Variants in ZNF518A observed in about 807,000 individuals in gnomAD.
ZNF518A encodes zinc finger protein 518A.
In ZNF518A, 47 loss-of-function variants were observed where a neutral mutation model predicts 102.7. The ratio of observed to expected loss-of-function variants is 0.46; its 90% CI spans 0.36 to 0.58. The LOEUF is 0.58. Ranked by LOEUF, ZNF518A falls within the 20% of genes least tolerant of loss-of-function variation. The pLI, the probability that ZNF518A is intolerant of heterozygous loss-of-function variation, is 0.00. For missense variants in ZNF518A, 1,793 were observed against 1,699.8 expected (o/e 1.05, Z -0.96); for synonymous variants, 652 against 594.6 (o/e 1.10, Z -1.40).
chr10:96,204,216 GT>G, downstream of ZNF518A: 1 of 1,047,810 alleles, frequency 9.5e-7, no homozygotes, highest in Non-Finnish European at 1.5e-6. Context: ...CCAATAAAAT[GT>G]ATCTAAAGAT....
chr10:96,180,033 C>T (rs1238663445), intron 1 of ZNF518A, among the ~76,000 whole-genome samples: 1 of 151,886 alleles, frequency 6.6e-6, no homozygotes, highest in Non-Finnish European at 1.5e-5. Flanking sequence ...CAACTGCCAT[C>T]ACGCCTGGCT....
intron 3 of ZNF518A, among the ~76,000 whole-genome samples, chr10:96,139,691 G>C (rs2081814579): frequency 6.6e-6 from 1 of 152,170 alleles, no homozygotes; most frequent in Non-Finnish European, 1.5e-5. Flanking sequence ...AAGAACATTT[G>C]CTCCTGTGTG....
rs1564768665 is a variant in ZNF518A at position 96,156,575 on chromosome 10, A to G, written c.253A>G (p.Ile85Val). The change falls in exon 6 of 6, where the codon ATC becomes GTC. Residue 85 changes from isoleucine to valine, a missense_variant. By Grantham distance (29) the Ile-to-Val change is conservative. Coordinates refer to ENST00000316045, the MANE Select transcript of ZNF518A (RefSeq NM_001330736.2). Reference sequence around the variant, plus strand: ...TAAACAGCAGACTGCAAGAAAATCTATCAGTATAAAGACTGTAAGCTGTGT... The same window carrying G: ...TAAACAGCAGACTGCAAGAAAATCTGTCAGTATAAAGACTGTAAGCTGTGT... ...QSKQQTARKS[I>V]SIKTVSCVEE... The G allele has an allele frequency of 3.7e-6, 6 of 1,613,440 alleles. No individual in the cohort carries two copies. The highest frequency in any genetic ancestry group is 1.6e-4 in the Middle Eastern group (1 of 6,062).
Position 96,142,354 on chromosome 10 carries a change from GTT to G in ZNF518A, c.-302+8708_-302+8709del, listed in dbSNP as rs1444016407. On this transcript the variant is annotated intron_variant, in intron 3 of 5. Transcript: ENST00000316045. ...TGTGTGTGTGTGTGTGTGTGTGTGT[GTT>G]TCTAGATTCCTTTTAGCAGAACCTT... Among the ~76,000 whole-genome samples the G allele has an allele frequency of 5.0e-4, 64 of 128,486 alleles. 1 individual carries two copies. Among genetic ancestry groups the G allele is most frequent in the Non-Finnish European group, 1.2e-4 (7 of 60,194 alleles). 84.3% of individuals were successfully genotyped at this position (128,486 alleles called of 152,430 possible). A position where few individuals can be genotyped will look rare whatever the true frequency, so the allele number is the denominator to read the frequency against.
At chr10:96,192,329 G>C (rs942766128) in intron 1 of ZNF518A, among the ~76,000 whole-genome samples, 32 of 152,166 alleles carry the variant, frequency 2.1e-4, no homozygotes, top group African/African-American at 7.7e-4. Flanking sequence ...TAGCTACTTA[G>C]AGAGATTACT....
chr10:96,179,880 T>A (rs1269601483), intron 1 of ZNF518A, among the ~76,000 whole-genome samples: 6 of 123,080 alleles, frequency 4.9e-5, no homozygotes, highest in East Asian at 7.9e-4. Context: ...TCTTTCTTTC[T>A]TTCATTTTTT....
At chr10:96,154,606 C>A (rs2082611229) in intron 3 of ZNF518A, among the ~76,000 whole-genome samples, 1 of 152,106 alleles carries the variant, frequency 6.6e-6, no homozygotes, top group African/African-American at 2.4e-5. Flanking sequence ...CATCTGTAAG[C>A]CCCATCTTAG....
chr10:96,168,775 C>T (rs2083157639), intron 1 of ZNF518A, among the ~76,000 whole-genome samples: 1 of 152,154 alleles, frequency 6.6e-6, no homozygotes, highest in Non-Finnish European at 1.5e-5. Flanking sequence ...TTCTGTCTTG[C>T]TGCTTTCAAG....
rs782405140 is a variant in ZNF518A at position 96,158,595 on chromosome 10, C to T, written c.2273C>T (p.Ser758Leu). The T allele has an allele frequency of 7.4e-6, 12 of 1,613,130 alleles. No homozygotes were observed. The South Asian group carries it at 1.3e-4, about 18-fold the overall frequency. ...SKWEDFSNVDSPMMPRITSVF... is the reference protein window; with the variant it reads ...SKWEDFSNVDLPMMPRITSVF... ...TGGGAAGACTTTTCTAATGTCGATT[C>T]ACCTATGATGCCTAGAATCACATCT... is the stretch of plus-strand genomic sequence containing the variant. Residue 758 changes from serine to leucine, a missense_variant, in exon 6 of 6, where the codon TCA (serine) becomes TTA (leucine). Transcript: ENST00000316045.
chr10:96,188,553 G>A (rs908790703), intron 1 of ZNF518A, among the ~76,000 whole-genome samples: 7 of 152,272 alleles, frequency 4.6e-5, no homozygotes, highest in Middle Eastern at 6.8e-3. Flanking sequence ...AAATAATTCC[G>A]TGTAACACTG....
chr10:96,158,544 T>A lies in ZNF518A; in HGVS notation c.2222T>A (p.Leu741Ter). Residue 741 changes from leucine to a stop codon, truncating the protein, a stop_gained, in exon 6 of 6, where the codon TTA (leucine) becomes TAA (stop). Coordinates refer to ENST00000316045, the MANE Select transcript of ZNF518A (RefSeq NM_001330736.2). LOFTEE classifies it high-confidence loss of function. ...CTGTACAGTAATGAAAATCAAAATTTAGAGTGTGCGACTGAAAAATCTAAA... is the reference window on the plus strand; with the variant it reads ...CTGTACAGTAATGAAAATCAAAATTAAGAGTGTGCGACTGAAAAATCTAAA... ...QNLYSNENQN[L>*]ECATEKSKWE... 6.2e-7 allele frequency: 1 copy of A among 1,612,944 alleles called. No individual in the cohort carries two copies. Among genetic ancestry groups the A allele is most frequent in the Admixed American group, 1.7e-5 (1 of 59,832 alleles).
downstream of ZNF518A, among the ~76,000 whole-genome samples, chr10:96,168,377 A>T (rs782589958): frequency 4.1e-4 from 61 of 149,174 alleles, no homozygotes; most frequent in African/African-American, 1.3e-3. Context: ...GTTCCAAATT[A>T]AAAAAAAAAT....
At chr10:96,190,094 A>C (rs2083304922) in intron 1 of ZNF518A, 1 of 930,464 alleles carries the variant, frequency 1.1e-6, no homozygotes, top group Admixed American at 1.7e-5. Context: ...GTTCTTAAGG[A>C]TAACTGGTGC....
chr10:96,189,391 G>C (rs2083294927), intron 1 of ZNF518A: 4 of 584,070 alleles, frequency 6.8e-6, no homozygotes, highest in South Asian at 2.8e-5. Context: ...CCAGGATCTT[G>C]AATAGTCTCC....
chr10:96,185,186 C>T (rs1253907436), intron 1 of ZNF518A, among the ~76,000 whole-genome samples: 15 of 152,298 alleles, frequency 9.8e-5, no homozygotes, highest in African/African-American at 3.6e-4. Flanking sequence ...ACTGTTTATT[C>T]TAGTTAGCCA....
At chr10:96,178,099 G>A (rs1055750640) in intron 1 of ZNF518A, among the ~76,000 whole-genome samples, 1 of 152,040 alleles carries the variant, frequency 6.6e-6, no homozygotes, top group African/African-American at 2.4e-5. Context: ...TGACATAGAA[G>A]ACTAGAGCCA....
At chr10:96,204,553 G>A (rs1554896951), downstream of ZNF518A, 3 of 1,613,906 alleles carry the variant, frequency 1.9e-6, no homozygotes, top group Non-Finnish European at 2.5e-6. Context: ...AGGAAACACT[G>A]GTGACTGCAC....
At chr10:96,204,461 A>G, downstream of ZNF518A, 2 of 1,479,210 alleles carry the variant, frequency 1.4e-6, no homozygotes, top group Non-Finnish European at 1.9e-6. Context: ...GTCACTGTGC[A>G]GTGAAACAAT....
At position 96,158,675 on chromosome 10, in the gene ZNF518A, C is replaced by A. The variant is rs782495284; in HGVS notation, c.2353C>A (p.Gln785Lys). 6.2e-7 allele frequency: 1 copy of A among 1,613,164 alleles called. No homozygotes were observed. The highest frequency in any genetic ancestry group is 1.7e-5 in the Admixed American group (1 of 59,832). ...AGAATTTCTGCCACCTGAAGTAAAC[C>A]AATTGCTTCAGGATGTATTGAAAAT... ...ASEFLPPEVN[Q>K]LLQDVLKIKP... The change falls in exon 6 of 6, where the codon CAA (glutamine) becomes AAA (lysine). Residue 785 changes from glutamine (Q) to lysine (K), a missense_variant. By Grantham distance (53) the Gln-to-Lys change is moderately conservative. Transcript: ENST00000316045.
Sources: allele counts gnomAD v4.1 joint callset (sites outside exome capture counted in the v4.1 genomes callset), GRCh38; gene constraint gnomAD v4.1.1; transcripts MANE v1.5; gene names NCBI Gene and HGNC (gene_info 2026-07-23, HGNC 2026-07-21).